SHB: variants seen among roughly 807,000 people sequenced by gnomAD.
SHB encodes SH2 domain-containing adapter protein B.
SHB carries 20 observed loss-of-function variants against 52.3 expected under a neutral mutation model. The observed-to-expected ratio is 0.38, with a 90% CI of 0.27 to 0.56. SHB has a LOEUF of 0.56. Among genes scored for constraint, SHB ranks in the 20% least tolerant of loss-of-function variants. The pLI is 0.71. For missense variants in SHB, 825 were observed against 723.3 expected (o/e 1.14, Z -1.61); for synonymous variants, 397 against 316.5 (o/e 1.25, Z -2.70).
rs550122136 is a variant in SHB at position 37,955,994 on chromosome 9, C to T, written c.1115G>A (p.Arg372His). Residue 372 changes from arginine to histidine, a missense_variant, in exon 4 of 6, where the codon CGC (arginine) becomes CAC (histidine). By Grantham distance (29) the Arg-to-His change is conservative. Coordinates refer to ENST00000377707, the MANE Select transcript of SHB (RefSeq NM_003028.3). ...SSPSPSRDRR[R>H]QLRAPGGGFK... The stretch of plus-strand genomic sequence containing the variant: ...GCCCCCTCCAGGGGCACGAAGCTGG[C>T]GCCGCCGGTCCCGCGAAGGTGAGGG... 175 of 1,595,490 alleles carry T rather than the reference C, an allele frequency of 1.1e-4. No individual in the cohort carries two copies. The highest frequency in any genetic ancestry group is 2.0e-4 in the Admixed American group (11 of 55,974).
At position 37,919,807 on chromosome 9, in the gene SHB, C is replaced by T. The variant is rs779737855; in HGVS notation, c.*14G>A. 7 of 1,610,206 alleles carry T rather than the reference C, an allele frequency of 4.3e-6. No homozygotes were observed. In the African/African-American group the frequency reaches 9.4e-5, roughly 22 times the overall value. On this transcript the variant is annotated 3_prime_UTR_variant, in exon 6 of 6. Coordinates refer to ENST00000377707, the MANE Select transcript of SHB (RefSeq NM_003028.3). Reference sequence around the variant, plus strand: ...TCTCAGGCTCTGTCACAGAGCAGGGCAGGTCTGGTCCGCTCACAGGGTCCT... The same window carrying T: ...TCTCAGGCTCTGTCACAGAGCAGGGTAGGTCTGGTCCGCTCACAGGGTCCT...
intron 3 of SHB, among the ~76,000 whole-genome samples, chr9:37,971,603 G>A (rs925575062): frequency 3.9e-5 from 6 of 152,174 alleles, no homozygotes; most frequent in Admixed American, 1.3e-4. Flanking sequence ...GCCAGCACCC[G>A]CCCTGGAGTA....
At chr9:38,003,142 A>G (rs1005087519) in intron 2 of SHB, among the ~76,000 whole-genome samples, 5 of 152,166 alleles carry the variant, frequency 3.3e-5, no homozygotes, top group African/African-American at 1.2e-4. Context: ...GCTGGAGGAC[A>G]GCTCACTTTG....
chr9:38,066,345 C>G (rs889390034), intron 1 of SHB, among the ~76,000 whole-genome samples: 13 of 152,120 alleles, frequency 8.5e-5, no homozygotes, highest in African/African-American at 3.1e-4. Flanking sequence ...TAGCCGTGAC[C>G]CTCTCGTGCC....
Position 37,949,554 on chromosome 9 carries a change from GC to G in SHB, c.1227-801del, listed in dbSNP as rs558624158. Among the ~76,000 whole-genome samples, 14 of 152,308 alleles carry G rather than the reference GC, an allele frequency of 9.2e-5. No individual in the cohort carries two copies. The East Asian group carries it at 2.7e-3, about 29-fold the overall frequency. On this transcript the variant is annotated intron_variant, in intron 4 of 5. Coordinates refer to ENST00000377707, the MANE Select transcript of SHB (RefSeq NM_003028.3). Reference sequence around the variant, plus strand: ...GCAGCGAAGGCCAAGGCAGAAGGCTGCCTAGCGTATTCTGGAAACAGCTAGG... The same window carrying G: ...GCAGCGAAGGCCAAGGCAGAAGGCTGCTAGCGTATTCTGGAAACAGCTAGG...
At chr9:38,007,009 G>C (rs557663350) in intron 2 of SHB, among the ~76,000 whole-genome samples, 5 of 152,170 alleles carry the variant, frequency 3.3e-5, no homozygotes, top group Non-Finnish European at 7.3e-5. Context: ...AATGAGTTTC[G>C]GGGAATCATG....
At chr9:37,932,175 G>A (rs1157545212) in intron 5 of SHB, among the ~76,000 whole-genome samples, 11 of 150,726 alleles carry the variant, frequency 7.3e-5, no homozygotes, top group Admixed American at 5.3e-4. Flanking sequence ...CCAGATACTC[G>A]GGAGGCTGAG....
intron 1 of SHB, among the ~76,000 whole-genome samples, chr9:38,028,323 T>C (rs1476383108): frequency 1.3e-5 from 2 of 152,206 alleles, no homozygotes; most frequent in African/African-American, 4.8e-5. Flanking sequence ...TCATGCACCC[T>C]GTGATACCTA....
intron 3 of SHB, among the ~76,000 whole-genome samples, chr9:37,972,274 C>T (rs1367413011): frequency 6.6e-6 from 1 of 152,192 alleles, no homozygotes; most frequent in Non-Finnish European, 1.5e-5. Context: ...GGCCCCAGTT[C>T]CTCCCATGCC....
chr9:37,971,575 C>G (rs138994679), intron 3 of SHB, among the ~76,000 whole-genome samples: 1 of 152,338 alleles, frequency 6.6e-6, no homozygotes, highest in Admixed American at 6.5e-5. Context: ...GAGCCAAAAG[C>G]AGCTTGGGAA....
At position 37,933,021 on chromosome 9, in the gene SHB, C is replaced by T. The variant is rs140673070; in HGVS notation, c.1347-13017G>A. 5.1e-3 allele frequency among the ~76,000 whole-genome samples: 783 copies of T among 152,226 alleles called. 3 individuals are homozygous for T. The highest frequency in any genetic ancestry group is 8.7e-3 in the Non-Finnish European group (594 of 68,020). ...AAAGAAGAAAAAAAATCCAGAGGGG[C>T]CTTTTAAAACTGCAAATTAAGACAG... On this transcript the variant is annotated intron_variant, in intron 5 of 5. Transcript: ENST00000377707.
At chr9:37,962,469 A>G (rs1348545376) in intron 3 of SHB, among the ~76,000 whole-genome samples, 3 of 151,922 alleles carry the variant, frequency 2.0e-5, no homozygotes, top group East Asian at 1.9e-4. Flanking sequence ...GACTCACTCA[A>G]GTGATTTTGG....
At chr9:37,998,197 A>G (rs59832148) in intron 2 of SHB, among the ~76,000 whole-genome samples, 1,165 of 106,314 alleles carry the variant, frequency 0.011, 9 homozygotes, top group African/African-American at 0.035. Context: ...GGCCGGGAGC[A>G]GGCAGCTTGG....
intron 1 of SHB, among the ~76,000 whole-genome samples, chr9:38,038,238 C>T (rs1821515002): frequency 2.0e-5 from 3 of 152,206 alleles, no homozygotes; most frequent in Admixed American, 2.0e-4. Context: ...GTGGTCAGGT[C>T]AGGCGTGGGG....
chr9:37,920,274 G>A (rs1564079040), intron 5 of SHB, among the ~76,000 whole-genome samples: 1 of 135,984 alleles, frequency 7.4e-6, no homozygotes, highest in Non-Finnish European at 1.6e-5. Flanking sequence ...GACTTCTTCA[G>A]AAAAACAAAA....
At chr9:37,956,134 A>G (rs1344285533) in intron 3 of SHB, 80 bp from the exon 4 acceptor site, 6 of 1,335,140 alleles carry the variant, frequency 4.5e-6, no homozygotes, top group Non-Finnish European at 6.2e-6. Context: ...GGTAACGTTC[A>G]GCTGGTCTAG....
intron 2 of SHB, among the ~76,000 whole-genome samples, chr9:37,978,971 A>C (rs767785465): frequency 2.0e-5 from 3 of 152,222 alleles, no homozygotes; most frequent in Non-Finnish European, 4.4e-5. Context: ...GAAAATGCCC[A>C]TTTGGGAGCA....
At chr9:37,967,095 T>G (rs1021096207) in intron 3 of SHB, among the ~76,000 whole-genome samples, 2 of 152,198 alleles carry the variant, frequency 1.3e-5, no homozygotes, top group Non-Finnish European at 2.9e-5. Flanking sequence ...GTGGGCAAGC[T>G]GCTCACCCTC....
At chr9:38,024,547 C>T (rs1296987385) in intron 1 of SHB, among the ~76,000 whole-genome samples, 1 of 152,236 alleles carries the variant, frequency 6.6e-6, no homozygotes, top group African/African-American at 2.4e-5. Context: ...CTCCGTCACA[C>T]ACACACACAG....
Sources: allele counts gnomAD v4.1 joint callset (sites outside exome capture counted in the v4.1 genomes callset), GRCh38; gene constraint gnomAD v4.1.1; transcripts MANE v1.5; gene names NCBI Gene and HGNC (gene_info 2026-07-23, HGNC 2026-07-21).